The following PRKAA1 variants were observed in gnomAD, a reference collection of about 807,000 sequenced individuals.
The protein encoded by PRKAA1 is protein kinase AMP-activated catalytic subunit alpha 1.
A neutral mutation model predicts 56.9 loss-of-function variants in PRKAA1; 23 were observed. The observed-to-expected ratio is 0.40, with a 90% CI of 0.29 to 0.57. PRKAA1 has a LOEUF of 0.57. Among genes scored for constraint, PRKAA1 ranks in the 20% least tolerant of loss-of-function variants. The pLI is 0.39. For synonymous variants in PRKAA1, 226 were observed against 227.0 expected (o/e 1.00, Z 0.04); for missense variants, 413 against 679.7 (o/e 0.61, Z 4.36).
Position 40,761,651 on chromosome 5 carries a change from A to C in PRKAA1, c.*1127T>G, listed in dbSNP as rs977494570. ...AGAGCACTTAAAGTTTGTAAGAGAT[A>C]GTTTTCTATGCACTGAATCAATTTA... On this transcript the variant is annotated 3_prime_UTR_variant, in exon 9 of 9. Transcript: ENST00000397128. The C allele has an allele frequency of 1.3e-5, 2 of 152,320 alleles. No individual in the cohort carries two copies. Among genetic ancestry groups the C allele is most frequent in the East Asian group, 1.9e-4 (1 of 5,302 alleles). 9.4% of individuals were successfully genotyped at this position (152,320 alleles called of 1,614,324 possible).
chr5:40,795,423 G>C (rs1429180848), intron 1 of PRKAA1, among the ~76,000 whole-genome samples: 1 of 151,936 alleles, frequency 6.6e-6, no homozygotes, highest in Non-Finnish European at 1.5e-5. Context: ...TTAAAAAAAA[G>C]ATGTCTCCCA....
rs1472899995 is a variant in PRKAA1 at position 40,761,940 on chromosome 5, A to G, written c.*838T>C. ...TAAAATGAAATTTAAATTAGGTCTG[A>G]TATCTGATATGACTTACCATACACT... On this transcript the variant is annotated 3_prime_UTR_variant, in exon 9 of 9. Transcript: ENST00000397128. The G allele has an allele frequency of 1.3e-5, 2 of 152,176 alleles. No individual in the cohort carries two copies. Among genetic ancestry groups the G allele is most frequent in the African/African-American group, 4.8e-5 (2 of 41,438 alleles). The allele number at this position is 152,176 out of a possible 1,614,324, so 9.4% of individuals were successfully genotyped here. A position where few individuals can be genotyped will look rare whatever the true frequency, so the allele number is the denominator to read the frequency against.
At chr5:40,791,526 T>C (rs1414172065) in intron 1 of PRKAA1, among the ~76,000 whole-genome samples, 3 of 152,204 alleles carry the variant, frequency 2.0e-5, no homozygotes, top group Non-Finnish European at 2.9e-5. Context: ...TATATAATCC[T>C]GAAGGGAAAC....
intron 1 of PRKAA1, among the ~76,000 whole-genome samples, chr5:40,795,260 G>T (rs1212892742): frequency 1.3e-5 from 2 of 151,978 alleles, no homozygotes; most frequent in Non-Finnish European, 1.5e-5. Context: ...AGAGGGGTGA[G>T]GGATAAAAGA....
At chr5:40,771,885 T>A in intron 3 of PRKAA1, 22 bp from the exon 4 acceptor site, 1 of 1,602,614 alleles carries the variant, frequency 6.2e-7, no homozygotes, top group Non-Finnish European at 8.5e-7. Context: ...TAGAGAGGCT[T>A]TTTAAAGGTG....
intron 6 of PRKAA1, among the ~76,000 whole-genome samples, 191 bp downstream of exon 6, chr5:40,767,275 C>T (rs746226737): frequency 2.2e-4 from 34 of 152,148 alleles, no homozygotes; most frequent in Non-Finnish European, 4.6e-4. Flanking sequence ...TCTTACGAAT[C>T]TTACTTCCCT....
At chr5:40,797,957 C>T (rs978873284) in intron 1 of PRKAA1, 106 bp downstream of exon 1, 1 of 1,520,582 alleles carries the variant, frequency 6.6e-7, no homozygotes, top group Non-Finnish European at 8.9e-7. Context: ...GCTGCCCAGC[C>T]CTGGAAAGAA....
At chr5:40,785,779 G>A (rs988613867) in intron 1 of PRKAA1, among the ~76,000 whole-genome samples, 1 of 151,862 alleles carries the variant, frequency 6.6e-6, no homozygotes, top group African/African-American at 2.4e-5. Context: ...GATTTAGGGT[G>A]AGCCCTATAT....
At chr5:40,769,040 A>C in intron 5 of PRKAA1, 1 of 824,118 alleles carries the variant, frequency 1.2e-6, no homozygotes, top group Non-Finnish European at 1.9e-6. Flanking sequence ...GGTACTACAA[A>C]ATGCCATCTA....
At chr5:40,777,723 C>A (rs1744078981) in intron 1 of PRKAA1, 137 bp from the exon 2 acceptor site, 2 of 776,010 alleles carry the variant, frequency 2.6e-6, no homozygotes, top group South Asian at 4.4e-5. Context: ...CACTTGAGGT[C>A]AGGAGTTCGA....
intron 1 of PRKAA1, among the ~76,000 whole-genome samples, chr5:40,797,782 T>C (rs1346728391): frequency 1.3e-5 from 2 of 151,960 alleles, no homozygotes; most frequent in South Asian, 2.1e-4. Flanking sequence ...CTGGGAAAGT[T>C]TGCACCTTCG....
intron 4 of PRKAA1, among the ~76,000 whole-genome samples, chr5:40,770,118 TTATAGA>T (rs1296074377): frequency 1.2e-4 from 2 of 16,424 alleles, no homozygotes; most frequent in African/African-American, 2.9e-4. Context: ...ATAGATATAG[TTATAGA>T]TATAGATACA....
chr5:40,795,684 T>C (rs1399507432), intron 1 of PRKAA1, among the ~76,000 whole-genome samples: 1 of 152,214 alleles, frequency 6.6e-6, no homozygotes, highest in Non-Finnish European at 1.5e-5. Context: ...AGATTTTCTA[T>C]TACTTGTGGC....
rs62357560 is a variant in PRKAA1 at position 40,777,690 on chromosome 5, T to C, written c.128-104A>G. The stretch of plus-strand genomic sequence containing the variant: ...GGCTCATGCCTGTAATCCCAGCACT[T>C]TGGGAGGCCGAGGCGAGTAGATCAC... On this transcript the variant is annotated intron_variant, in intron 1 of 8. Transcript: ENST00000397128. 169,475 of 1,138,902 alleles carry C rather than the reference T, an allele frequency of 0.15. 14,546 individuals carry two copies. The highest frequency in any genetic ancestry group is 0.17 in the Non-Finnish European group (143,015 of 823,742). 70.5% of individuals were successfully genotyped at this position (1,138,902 alleles called of 1,614,324 possible).
rs756379976 is a variant in PRKAA1, at chr5:40,777,531, C to T, written c.183G>A (p.Gln61=). The change falls in exon 2 of 9, where the codon CAG becomes CAA. Residue 61 remains glutamine (Q), a synonymous_variant. Coordinates refer to ENST00000397128, the MANE Select transcript of PRKAA1 (RefSeq NM_006251.6). ...CTACCACATCAAGGCTCCGAATCTTCTGTCGATTGAGTATCTTCACAGCTA... is the reference window on the plus strand; with the variant it reads ...CTACCACATCAAGGCTCCGAATCTTTTGTCGATTGAGTATCTTCACAGCTA... The part of the protein sequence containing the change: ...HKVAVKILNR[Q]KIRSLDVVGK... 6.2e-7 allele frequency: 1 copy of T among 1,613,770 alleles called. No homozygotes were observed. Among genetic ancestry groups the T allele is most frequent in the South Asian group, 1.1e-5 (1 of 91,068 alleles).
At chr5:40,764,379 C>A in intron 8 of PRKAA1, 135 bp downstream of exon 8, 1 of 789,288 alleles carries the variant, frequency 1.3e-6, no homozygotes. Flanking sequence ...ATTGCAAAGG[C>A]ACAAGAAATC....
At chr5:40,767,812 C>G in intron 5 of PRKAA1, 122 bp from the exon 6 acceptor site, 3 of 789,588 alleles carry the variant, frequency 3.8e-6, no homozygotes, top group Non-Finnish European at 2.0e-6. Flanking sequence ...TTTATAGCCA[C>G]TACTACATGT....
chr5:40,775,645 T>C lies in PRKAA1; in HGVS notation c.270-142A>G, dbSNP rs116195686. On this transcript the variant is annotated intron_variant, in intron 2 of 8. Coordinates refer to ENST00000397128, the MANE Select transcript of PRKAA1 (RefSeq NM_006251.6). ...AGGAAACAAAAATTCTCTGCTCTCA[T>C]GGAGTTCATGTTCCAGGAACCAGGA... 2,234 of 614,716 alleles carry C rather than the reference T, an allele frequency of 3.6e-3. 22 individuals carry two copies. The highest frequency in any genetic ancestry group is 0.031 in the African/African-American group (1,693 of 53,794). The allele number at this position is 614,716 out of a possible 1,614,324, so 38.1% of individuals were successfully genotyped here. A position where few individuals can be genotyped will look rare whatever the true frequency, so the allele number is the denominator to read the frequency against.
At chr5:40,797,934 A>G (rs2112120980) in intron 1 of PRKAA1, 129 bp downstream of exon 1, 3 of 1,318,952 alleles carry the variant, frequency 2.3e-6, no homozygotes, top group Non-Finnish European at 2.0e-6. Context: ...CTCCCGCAGG[A>G]TCCGGGACAG....
Sources: allele counts gnomAD v4.1 joint callset (sites outside exome capture counted in the v4.1 genomes callset), GRCh38; gene constraint gnomAD v4.1.1; transcripts MANE v1.5; gene names NCBI Gene and HGNC (gene_info 2026-07-23, HGNC 2026-07-21).